The following PPP2R2B variants were observed in gnomAD, a reference collection of about 807,000 sequenced individuals.
PPP2R2B encodes the protein protein phosphatase 2 regulatory subunit Bbeta.
In PPP2R2B, 5 loss-of-function variants were observed where a neutral mutation model predicts 46.0. That is an observed-to-expected ratio of 0.11 (90% confidence interval 0.06 to 0.23). The LOEUF (loss-of-function observed/expected upper bound fraction) is 0.23, where lower values mean the gene tolerates loss of function less well. PPP2R2B is among the 10% of genes least tolerant of loss of function. The pLI is 1.00. For synonymous variants in PPP2R2B, 215 were observed against 206.7 expected (o/e 1.04, Z -0.34); for missense variants, 367 against 575.0 (o/e 0.64, Z 3.70).
intron 2 of PPP2R2B, among the ~76,000 whole-genome samples, chr5:147,063,284 A>G (rs1204039258): frequency 3.3e-5 from 5 of 152,270 alleles, no homozygotes; most frequent in South Asian, 2.1e-4. Flanking sequence ...GTGTGAAGAT[A>G]TAAGTGGGAA....
In PPP2R2B at chr5:146,650,608, G is replaced by A. The variant is rs1400866148; in HGVS notation, c.564C>T (p.Tyr188=). Residue 188 remains tyrosine (Y), a synonymous_variant, in exon 6 of 10, where the codon TAC becomes TAT. Transcript: ENST00000394411. ...SISVNSDYET[Y]MSADDLRINL... ...TAATCCTCAGGTCATCAGCGGACAT[G>A]TAGGTTTCATAGTCGCTGTTGACAG... is the stretch of plus-strand genomic sequence containing the variant. 1.9e-6 allele frequency: 3 copies of A among 1,614,062 alleles called. No homozygotes were observed. Among genetic ancestry groups the A allele is most frequent in the South Asian group, 1.1e-5 (1 of 91,074 alleles).
intron 2 of PPP2R2B, among the ~76,000 whole-genome samples, chr5:146,775,305 A>T (rs1755117261): frequency 6.6e-6 from 1 of 152,152 alleles, no homozygotes; most frequent in South Asian, 2.1e-4. Flanking sequence ...GAGCAAGTGA[A>T]ATTTATCCCA....
chr5:147,004,889 G>A (rs1312544796), intron 1 of PPP2R2B, among the ~76,000 whole-genome samples: 1 of 152,160 alleles, frequency 6.6e-6, no homozygotes, highest in East Asian at 1.9e-4. Flanking sequence ...TGATATAGTA[G>A]CAAAAGGCTG....
chr5:146,788,399 C>T (rs1755981174), intron 2 of PPP2R2B, among the ~76,000 whole-genome samples: 1 of 151,326 alleles, frequency 6.6e-6, no homozygotes, highest in Admixed American at 6.6e-5. Context: ...GACAGAGCAA[C>T]CTACAATCTT....
chr5:147,025,524 T>C (rs1188064548), intron 1 of PPP2R2B, among the ~76,000 whole-genome samples: 1 of 151,866 alleles, frequency 6.6e-6, no homozygotes, highest in East Asian at 1.9e-4. Flanking sequence ...AAAGATTTCT[T>C]AGATATGACA....
Position 147,061,656 on chromosome 5 carries a change from A to G in PPP2R2B, c.50+19403T>C, listed in dbSNP as rs114249040. 7.3e-3 allele frequency among the ~76,000 whole-genome samples: 1,112 copies of G among 152,188 alleles called. 18 individuals carry two copies. The highest frequency in any genetic ancestry group is 0.026 in the African/African-American group (1,064 of 41,528). Reference sequence around the variant, plus strand: ...ATTCAGCCAGCTCTCTTGGCATGTGACTAAAGCAAGAGAGAGGTGGGAAGC... The same window carrying G: ...ATTCAGCCAGCTCTCTTGGCATGTGGCTAAAGCAAGAGAGAGGTGGGAAGC... On this transcript the variant is annotated intron_variant, in intron 2 of 10. Transcript: ENST00000394413.
At chr5:146,834,072 G>C (rs1759126627) in intron 2 of PPP2R2B, among the ~76,000 whole-genome samples, 1 of 151,908 alleles carries the variant, frequency 6.6e-6, no homozygotes, top group Admixed American at 6.6e-5. Context: ...ATGATTCTTT[G>C]GAAAAATATA....
chr5:146,875,599 A>C lies in PPP2R2B; in HGVS notation c.70+2403T>G, dbSNP rs568778568. ...AATGATCTGAGCAAACAGAAGAAAA[A>C]TTCAGAAATACATGTGAAGGAGATA... On this transcript the variant is annotated intron_variant, in intron 2 of 9. Coordinates refer to ENST00000394411, the MANE Select transcript of PPP2R2B (RefSeq NM_181675.4). Among the ~76,000 whole-genome samples, 3 of 152,334 alleles carry C rather than the reference A, an allele frequency of 2.0e-5. No individual in the cohort carries two copies. In the South Asian group the frequency reaches 6.2e-4, roughly 32 times the overall value.
intron 5 of PPP2R2B, among the ~76,000 whole-genome samples, chr5:146,674,338 A>G (rs971259432): frequency 2.6e-5 from 4 of 152,114 alleles, no homozygotes; most frequent in African/African-American, 9.7e-5. Context: ...AAAGCCCTAG[A>G]CTCTCTCCCA....
At chr5:146,971,118 T>C (rs1752643353) in intron 1 of PPP2R2B, among the ~76,000 whole-genome samples, 1 of 152,226 alleles carries the variant, frequency 6.6e-6, no homozygotes. Flanking sequence ...AACTTTTTGC[T>C]CCTAGTTGTA....
chr5:146,862,933 C>T (rs1367904023), intron 2 of PPP2R2B, among the ~76,000 whole-genome samples: 1 of 150,182 alleles, frequency 6.7e-6, no homozygotes, highest in Non-Finnish European at 1.5e-5. Context: ...AGGAAAAATT[C>T]TGATCAGAAA....
intron 1 of PPP2R2B, among the ~76,000 whole-genome samples, chr5:147,007,187 C>T (rs1340920096): frequency 6.6e-6 from 1 of 152,156 alleles, no homozygotes; most frequent in Non-Finnish European, 1.5e-5. Context: ...GAGGACACTA[C>T]AACTGCAGGG....
chr5:146,630,718 AT>A (rs1322331974), intron 7 of PPP2R2B, among the ~76,000 whole-genome samples: 2 of 152,112 alleles, frequency 1.3e-5, no homozygotes, highest in South Asian at 4.2e-4. Flanking sequence ...TACTTTTATG[AT>A]TGCTTCTGCT....
intron 5 of PPP2R2B, among the ~76,000 whole-genome samples, chr5:146,681,486 T>C (rs183591805): frequency 6.6e-6 from 1 of 152,296 alleles, no homozygotes; most frequent in East Asian, 1.9e-4. Context: ...TGGGACCTGG[T>C]GTGGGCTGAA....
intron 1 of PPP2R2B, among the ~76,000 whole-genome samples, chr5:146,987,543 T>G (rs1199485206): frequency 3.3e-5 from 5 of 152,038 alleles, no homozygotes; most frequent in Non-Finnish European, 5.9e-5. Context: ...GCAATTAAAG[T>G]CAGGTTATCA....
rs943981554 is a variant in PPP2R2B, at chr5:146,706,433, T to G, written c.71-5291A>C. 6.9e-6 allele frequency: 7 copies of G among 1,009,602 alleles called. No individual in the cohort carries two copies. The African/African-American group carries it at 1.1e-4, about 16-fold the overall frequency. The allele number at this position is 1,009,602 out of a possible 1,614,324, so 62.5% of individuals were successfully genotyped here. On this transcript the variant is annotated intron_variant, in intron 2 of 9. Coordinates refer to ENST00000394411, the MANE Select transcript of PPP2R2B (RefSeq NM_181675.4). ...GGTCTTCGTATGGATACTCATGTTC[T>G]CCATCTTCCAGCAGCTTCCTGTAGG...
intron 1 of PPP2R2B, among the ~76,000 whole-genome samples, chr5:147,004,617 T>A (rs1018390358): frequency 6.6e-6 from 1 of 152,174 alleles, no homozygotes; most frequent in Non-Finnish European, 1.5e-5. Flanking sequence ...ATACCCTTAT[T>A]AGGGATATAT....
At chr5:146,794,311 C>T (rs1037404136) in intron 2 of PPP2R2B, among the ~76,000 whole-genome samples, 3 of 152,084 alleles carry the variant, frequency 2.0e-5, no homozygotes, top group Non-Finnish European at 2.9e-5. Context: ...ATAAAATAAC[C>T]TTGAACTTTG....
At chr5:146,862,458 A>G (rs907454876) in intron 2 of PPP2R2B, among the ~76,000 whole-genome samples, 1 of 152,202 alleles carries the variant, frequency 6.6e-6, no homozygotes, top group African/African-American at 2.4e-5. Context: ...CTCAGTTGCC[A>G]CATTCGTGAA....
Sources: gnomAD v4.1 joint callset for allele counts (sites outside exome capture counted in the v4.1 genomes callset) on GRCh38, gnomAD v4.1.1 for gene constraint, MANE v1.5 for transcripts, NCBI Gene and HGNC (gene_info 2026-07-23, HGNC 2026-07-21) for gene names.